NEDD9: variants seen among roughly 807,000 people sequenced by gnomAD.
NEDD9 encodes the protein enhancer of filamentation 1.
Under a neutral mutation model 76.6 loss-of-function variants are expected in NEDD9, and 26 were observed. The observed-to-expected ratio is 0.34, with a 90% CI of 0.25 to 0.47. The LOEUF (loss-of-function observed/expected upper bound fraction) is 0.47, where lower values mean the gene tolerates loss of function less well. NEDD9 is among the 20% of genes least tolerant of loss of function. The pLI, the probability that NEDD9 is intolerant of heterozygous loss-of-function variation, is 1.00. For missense variants in NEDD9, 937 were observed against 1,058.5 expected, an observed-to-expected ratio of 0.89 and a Z score of 1.59; for synonymous variants, 392 against 414.2, an observed-to-expected ratio of 0.95 and a Z score of 0.65.
In NEDD9 at chr6:11,268,905, T is replaced by C. The variant is rs377516765; in HGVS notation, c.12+37087A>G. The stretch of plus-strand genomic sequence containing the variant: ...AGCTTGAAATTAGGAAGAGGGATTT[T>C]ACTTCTCTGTAAGAAATTTCAGTAA... On this transcript the variant is annotated intron_variant, in intron 3 of 3. Transcript: ENST00000397378. Among the ~76,000 whole-genome samples, 39 of 152,366 alleles carry C rather than the reference T, an allele frequency of 2.6e-4. 1 individual carries two copies. The East Asian group carries it at 4.8e-3, about 19-fold the overall frequency.
intron 2 of NEDD9, among the ~76,000 whole-genome samples, chr6:11,308,707 T>G (rs1474079395): frequency 1.3e-5 from 2 of 152,186 alleles, no homozygotes; most frequent in Non-Finnish European, 2.9e-5. Flanking sequence ...GTTTAATTTA[T>G]AATTTTACAA....
chr6:11,201,129 G>T lies in NEDD9; in HGVS notation c.460-7437C>A, dbSNP rs1758441697. ...AAGGTCTCAGCAAGTCTCCTTGGGG[G>T]CACTTCTTTCCTTGGGCATCCACTT... On this transcript the variant is annotated intron_variant, in intron 2 of 6. Transcript: ENST00000379446. 4 of 1,536,592 alleles carry T rather than the reference G, an allele frequency of 2.6e-6. No individual in the cohort carries two copies. In the African/African-American group the frequency reaches 5.5e-5, roughly 21 times the overall value.
intron 1 of NEDD9, among the ~76,000 whole-genome samples, chr6:11,339,193 TTATC>T: frequency 6.6e-6 from 1 of 152,244 alleles, no homozygotes; most frequent in East Asian, 1.9e-4. Context: ...CACTATATAA[TTATC>T]TATATATTGC....
chr6:11,293,470 C>G (rs939888275), intron 3 of NEDD9, among the ~76,000 whole-genome samples: 6 of 152,066 alleles, frequency 3.9e-5, no homozygotes, highest in African/African-American at 1.4e-4. Context: ...TTCTATCCCC[C>G]CCTCTCAGCT....
At chr6:11,193,121 AT>A (rs1302460732) in intron 3 of NEDD9, among the ~76,000 whole-genome samples, 15 of 151,802 alleles carry the variant, frequency 9.9e-5, no homozygotes, top group Non-Finnish European at 8.8e-5. Flanking sequence ...CCTGGCCACC[AT>A]GGCAAAAGCC....
At chr6:11,285,178 G>C (rs1041760542) in intron 3 of NEDD9, among the ~76,000 whole-genome samples, 2 of 152,132 alleles carry the variant, frequency 1.3e-5, no homozygotes, top group Non-Finnish European at 2.9e-5. Context: ...TAAGCCTCTG[G>C]TGCCTTTAGC....
intron 3 of NEDD9, among the ~76,000 whole-genome samples, chr6:11,296,621 T>TCTTCCTTCCTTCCTTC (rs1760890680): frequency 6.8e-6 from 1 of 147,390 alleles, no homozygotes; most frequent in African/African-American, 2.6e-5. Flanking sequence ...TTCCTTCCTT[T>TCTTCCTTCCTTCCTTC]CTTTCTTCCT....
chr6:11,292,225 A>G (rs1760795905), intron 3 of NEDD9, among the ~76,000 whole-genome samples: 1 of 152,222 alleles, frequency 6.6e-6, no homozygotes, highest in South Asian at 2.1e-4. Context: ...GAAGACACTG[A>G]AAAACCACAT....
intron 3 of NEDD9, among the ~76,000 whole-genome samples, chr6:11,284,586 A>G (rs1760608505): frequency 1.3e-5 from 2 of 151,440 alleles, no homozygotes; most frequent in Admixed American, 1.3e-4. Context: ...AAAATAAAAA[A>G]TAAAGAACAA....
Position 11,241,818 on chromosome 6 carries a change from G to C in NEDD9, c.13-28091C>G, listed in dbSNP as rs946543739. ...ATCAGCTGAGGCCGGCCAATGTCCA[G>C]CAGGCCCCGGGCCCAGAGCCTCTGG... On this transcript the variant is annotated intron_variant, in intron 3 of 3. Coordinates refer to the NEDD9 transcript ENST00000397378. This position sits in a 1 kb window ranked among gnomAD's most constrained non-coding sequence, Gnocchi z 4.0. 2.0e-5 allele frequency among the ~76,000 whole-genome samples: 3 copies of C among 152,188 alleles called. No individual in the cohort carries two copies. The highest frequency in any genetic ancestry group is 7.2e-5 in the African/African-American group (3 of 41,448).
In NEDD9 at chr6:11,242,589, C is replaced by CAAA. The variant is rs58475929; in HGVS notation, c.13-28865_13-28863dup. Among the ~76,000 whole-genome samples, 111 of 143,704 alleles carry CAAA rather than the reference C, an allele frequency of 7.7e-4. 1 individual carries two copies. The highest frequency in any genetic ancestry group is 2.0e-3 in the East Asian group (10 of 5,062). The allele number at this position is 143,704 out of a possible 152,430, so 94.3% of individuals were successfully genotyped here. ...CACCTGTGCAGTTCTGGTCACCAGG[C>CAAA]AAAAAAAAAAAACTGTCTTTCCTTT... On this transcript the variant is annotated intron_variant, in intron 3 of 3. Transcript: ENST00000397378.
At chr6:11,199,519 C>A (rs369488249) in intron 2 of NEDD9, 18 of 152,052 alleles carry the variant, frequency 1.2e-4, no homozygotes, top group African/African-American at 4.1e-4. Flanking sequence ...GTAATTGTCA[C>A]CTAGGCTATA....
At chr6:11,292,961 A>C (rs1760808946) in intron 3 of NEDD9, among the ~76,000 whole-genome samples, 1 of 152,244 alleles carries the variant, frequency 6.6e-6, no homozygotes, top group Non-Finnish European at 1.5e-5. Context: ...GCTCCACCCT[A>C]GAACCCATGA....
chr6:11,199,348 T>C (rs1284245905), intron 2 of NEDD9: 1 of 152,198 alleles, frequency 6.6e-6, no homozygotes, highest in Non-Finnish European at 1.5e-5. Context: ...GTTCTACCAC[T>C]CACAAGCTAT....
intron 3 of NEDD9, among the ~76,000 whole-genome samples, chr6:11,275,713 G>C (rs77961248): frequency 0.011 from 1,607 of 152,310 alleles, 27 homozygotes; most frequent in African/African-American, 0.036. Flanking sequence ...AGAGCAAACA[G>C]AGCAGGTGTG....
chr6:11,360,295 T>C (rs1762655320), intron 1 of NEDD9, among the ~76,000 whole-genome samples: 1 of 152,072 alleles, frequency 6.6e-6, no homozygotes, highest in Admixed American at 6.6e-5. Flanking sequence ...GAAGAAGAAC[T>C]CCCAAAGGAG....
intron 1 of NEDD9, among the ~76,000 whole-genome samples, chr6:11,351,794 G>C (rs554554395): frequency 6.6e-6 from 1 of 152,226 alleles, no homozygotes; most frequent in Non-Finnish European, 1.5e-5. Context: ...TCTGTGTCAT[G>C]TAAAACTTAT....
chr6:11,354,288 C>T (rs932867798), intron 1 of NEDD9, among the ~76,000 whole-genome samples: 2 of 152,184 alleles, frequency 1.3e-5, no homozygotes, highest in Admixed American at 6.5e-5. Flanking sequence ...GTGGGGGCAA[C>T]CAAAGCACAG....
intron 1 of NEDD9, among the ~76,000 whole-genome samples, chr6:11,362,473 T>C (rs899222204): frequency 6.6e-5 from 10 of 152,230 alleles, no homozygotes; most frequent in Admixed American, 2.0e-4. Context: ...ACTCAGCTAG[T>C]AGCAACCAGG....
Sources: gnomAD v4.1 joint callset for allele counts (sites outside exome capture counted in the v4.1 genomes callset) on GRCh38, gnomAD v4.1.1 for gene constraint, Gnocchi (gnomAD v3.1) non-coding constraint, MANE v1.5 for transcripts, NCBI Gene and HGNC (gene_info 2026-07-23, HGNC 2026-07-21) for gene names.